ZFYVE9: variants seen among roughly 807,000 people sequenced by gnomAD.
ZFYVE9 encodes zinc finger FYVE-type containing 9, also known as zinc finger FYVE domain-containing protein 9.
ZFYVE9 carries 43 observed loss-of-function variants against 126.7 expected under a neutral mutation model. The ratio of observed to expected loss-of-function variants is 0.34; its 90% CI spans 0.27 to 0.44. The LOEUF (loss-of-function observed/expected upper bound fraction) is 0.44, where lower values mean the gene tolerates loss of function less well. ZFYVE9 is among the 20% of genes least tolerant of loss of function. The pLI is 1.00. For synonymous variants in ZFYVE9, 521 were observed against 597.4 expected, an observed-to-expected ratio of 0.87 and a Z score of 1.87; for missense variants, 1,476 against 1,697.0, an observed-to-expected ratio of 0.87 and a Z score of 2.29.
chr1:52,164,140 A>T (rs1163033254), intron 1 of ZFYVE9, among the ~76,000 whole-genome samples: 4 of 147,522 alleles, frequency 2.7e-5, no homozygotes, highest in Non-Finnish European at 6.0e-5. Context: ...TTTTTTGTAG[A>T]GACGGGTTTT....
intron 4 of ZFYVE9, chr1:52,253,607 A>G: frequency 8.3e-7 from 1 of 1,201,004 alleles, no homozygotes. Context: ...GCAAGCAGCC[A>G]GAATACTTAA....
intron 1 of ZFYVE9, among the ~76,000 whole-genome samples, chr1:52,167,323 A>G (rs1217304742): frequency 6.6e-6 from 1 of 152,212 alleles, no homozygotes; most frequent in African/African-American, 2.4e-5. Context: ...TAAGAAAAAT[A>G]CATTTTAAGC....
chr1:52,229,545 G>A (rs541582460), intron 2 of ZFYVE9, among the ~76,000 whole-genome samples: 21 of 152,246 alleles, frequency 1.4e-4, no homozygotes, highest in East Asian at 7.7e-4. Context: ...ATCAGTTATC[G>A]TAACTGGAAT....
intron 1 of ZFYVE9, among the ~76,000 whole-genome samples, chr1:52,189,721 T>G (rs1644799765): frequency 6.6e-6 from 1 of 151,902 alleles, no homozygotes; most frequent in Non-Finnish European, 1.5e-5. Context: ...GTCATATTGC[T>G]TAGTGCAAGT....
intron 4 of ZFYVE9, among the ~76,000 whole-genome samples, chr1:52,255,981 T>TTTCCTTCCTTCCTTCCTTCC (rs772190432): frequency 6.1e-5 from 7 of 115,698 alleles, no homozygotes; most frequent in African/African-American, 2.6e-4. Flanking sequence ...TCTTTCTTTC[T>TTTCCTTCCTTCCTTCCTTCC]TTCCTTCCTT....
intron 15 of ZFYVE9, 58 bp from the exon 16 acceptor site, chr1:52,337,714 C>G: frequency 6.3e-7 from 1 of 1,579,494 alleles, no homozygotes; most frequent in Non-Finnish European, 8.7e-7. Context: ...GAGGAATTTG[C>G]TAGATGCCAG....
At chr1:52,334,597 C>T (rs747613528) in intron 14 of ZFYVE9, 91 bp from the exon 15 acceptor site, 39 of 1,346,020 alleles carry the variant, frequency 2.9e-5, no homozygotes, top group African/African-American at 2.5e-4. Context: ...TGATGATGGT[C>T]GGAATTCTCA....
chr1:52,257,796 G>A (rs1443111144), intron 4 of ZFYVE9, among the ~76,000 whole-genome samples: 2 of 152,138 alleles, frequency 1.3e-5, no homozygotes, highest in Admixed American at 6.5e-5. Flanking sequence ...ATGCGGTGGC[G>A]CGATCTCTGC....
intron 1 of ZFYVE9, among the ~76,000 whole-genome samples, chr1:52,171,242 A>G (rs1316855611): frequency 2.0e-5 from 3 of 152,026 alleles, no homozygotes; most frequent in African/African-American, 4.8e-5. Context: ...ATGAGTGAGA[A>G]CATGCGGTGT....
chr1:52,249,541 C>T (rs1022757880), intron 4 of ZFYVE9, among the ~76,000 whole-genome samples: 1 of 152,106 alleles, frequency 6.6e-6, no homozygotes, highest in Non-Finnish European at 1.5e-5. Context: ...ATTCAGTCTC[C>T]TATCACATAA....
At chr1:52,295,674 T>G (rs1273005227) in intron 11 of ZFYVE9, among the ~76,000 whole-genome samples, 1 of 152,150 alleles carries the variant, frequency 6.6e-6, no homozygotes, top group Non-Finnish European at 1.5e-5. Context: ...TTGTGTGTCA[T>G]TTTTGAAACA....
chr1:52,144,866 C>T (rs1460376397), intron 1 of ZFYVE9, among the ~76,000 whole-genome samples: 3 of 152,088 alleles, frequency 2.0e-5, no homozygotes, highest in Non-Finnish European at 2.9e-5. Flanking sequence ...AGTTATTATG[C>T]TTACCTTGCG....
rs967241539 is a variant in ZFYVE9, at chr1:52,265,023, C to T, written c.2278+1151C>T. ...GCTGCTTAATTATAGTACCTAATAC[C>T]TCTTTTATTTGATGAGATCTTCCAA... On this transcript the variant is annotated intron_variant, in intron 5 of 18. Coordinates refer to ENST00000287727, the MANE Select transcript of ZFYVE9 (RefSeq NM_004799.4). 5.3e-5 allele frequency among the ~76,000 whole-genome samples: 8 copies of T among 152,174 alleles called. No homozygotes were observed. The East Asian group carries it at 1.3e-3, about 26-fold the overall frequency.
At chr1:52,294,073 C>G (rs1460038985) in intron 11 of ZFYVE9, among the ~76,000 whole-genome samples, 1 of 152,218 alleles carries the variant, frequency 6.6e-6, no homozygotes, top group Non-Finnish European at 1.5e-5. Flanking sequence ...AAACCACTCT[C>G]AGTTGGTAAG....
At chr1:52,148,137 C>T (rs1308723126) in intron 1 of ZFYVE9, among the ~76,000 whole-genome samples, 1 of 151,830 alleles carries the variant, frequency 6.6e-6, no homozygotes, top group Non-Finnish European at 1.5e-5. Context: ...CTTGCAGATG[C>T]ATTGCCAGAT....
chr1:52,293,222 CA>C (rs754646062), intron 10 of ZFYVE9, among the ~76,000 whole-genome samples: 1 of 151,688 alleles, frequency 6.6e-6, no homozygotes. Flanking sequence ...ACTAAAAATA[CA>C]AAAAAGTTAG....
Position 52,181,811 on chromosome 1 carries a change from C to G in ZFYVE9, c.-142-34558C>G, listed in dbSNP as rs868683796. ...GAGGTGAGGAGCGTCTCTGGCTGGCCGCCCCGTCTGAGAAGCGAGGAGCCC... is the reference window on the plus strand; with the variant it reads ...GAGGTGAGGAGCGTCTCTGGCTGGCGGCCCCGTCTGAGAAGCGAGGAGCCC... On this transcript the variant is annotated intron_variant, in intron 1 of 18. Transcript: ENST00000287727. Among the ~76,000 whole-genome samples the G allele has an allele frequency of 2.0e-4, 30 of 151,234 alleles. 1 individual carries two copies. The highest frequency in any genetic ancestry group is 7.1e-4 in the African/African-American group (29 of 41,084).
At chr1:52,337,158 A>G (rs1646397703) in intron 15 of ZFYVE9, among the ~76,000 whole-genome samples, 1 of 152,184 alleles carries the variant, frequency 6.6e-6, no homozygotes, top group Admixed American at 6.5e-5. Context: ...TCAGTGAAGC[A>G]GAGTAATTGC....
chr1:52,157,318 C>G (rs1476536714), intron 1 of ZFYVE9, among the ~76,000 whole-genome samples: 2 of 149,800 alleles, frequency 1.3e-5, no homozygotes, highest in African/African-American at 4.9e-5. Context: ...CAATTCTGGC[C>G]TTGTTTTGAT....
Sources: gnomAD v4.1 joint callset for allele counts (sites outside exome capture counted in the v4.1 genomes callset) on GRCh38, gnomAD v4.1.1 for gene constraint, MANE v1.5 for transcripts, NCBI Gene and HGNC (gene_info 2026-07-23, HGNC 2026-07-21) for gene names.